PECAM1: variants seen among roughly 807,000 people sequenced by gnomAD.
PECAM1 encodes platelet and endothelial cell adhesion molecule 1, also known as platelet endothelial cell adhesion molecule.
A neutral mutation model predicts 13.8 loss-of-function variants in PECAM1; 8 were observed. The ratio of observed to expected loss-of-function variants is 0.58; its 90% CI spans 0.34 to 1.05. PECAM1 has a LOEUF of 1.05. PECAM1 is among the 50% of genes least tolerant of loss of function. The pLI, the probability that PECAM1 is intolerant of heterozygous loss-of-function variation, is 0.03. For synonymous variants in PECAM1, 136 were observed against 52.6 expected (o/e 2.58, Z -6.86); for missense variants, 304 against 141.2 (o/e 2.15, Z -5.84).
chr17:64,345,447 T>G (rs1352181139), intron 13 of PECAM1, among the ~76,000 whole-genome samples: 1 of 152,144 alleles, frequency 6.6e-6, no homozygotes, highest in Non-Finnish European at 1.5e-5. Flanking sequence ...GCCTGGTGGT[T>G]CACACCTGTA....
chr17:64,354,733 AATCT>A (rs2035811003), intron 9 of PECAM1, among the ~76,000 whole-genome samples, 196 bp downstream of exon 9: 1 of 152,230 alleles, frequency 6.6e-6, no homozygotes. Flanking sequence ...GGTGTGGACA[AATCT>A]ACAGAAATGG....
chr17:64,365,721 G>A (rs1428277535), intron 5 of PECAM1, among the ~76,000 whole-genome samples: 1 of 150,418 alleles, frequency 6.6e-6, no homozygotes, highest in African/African-American at 2.4e-5. Flanking sequence ...AAGCAATGGG[G>A]AAAGGATTCC....
chr17:64,335,044 C>T (rs1465696498), intron 14 of PECAM1, among the ~76,000 whole-genome samples: 3 of 152,074 alleles, frequency 2.0e-5, no homozygotes, highest in Non-Finnish European at 2.9e-5. Context: ...GCAGCAGCTG[C>T]GTGTGGACAC....
At chr17:64,384,719 C>T (rs1436785222) in intron 2 of PECAM1, among the ~76,000 whole-genome samples, 14 of 152,286 alleles carry the variant, frequency 9.2e-5, no homozygotes, top group East Asian at 1.9e-4. Context: ...TAATGAGACC[C>T]GGTGCCAGCA....
chr17:64,340,053 G>A (rs958173350), intron 14 of PECAM1, among the ~76,000 whole-genome samples: 6 of 152,108 alleles, frequency 3.9e-5, no homozygotes, highest in Non-Finnish European at 7.4e-5. Flanking sequence ...TGGGAGGATT[G>A]CTTAAGCCTT....
chr17:64,327,070 T>C (rs1470912158), intron 15 of PECAM1, among the ~76,000 whole-genome samples: 2 of 152,238 alleles, frequency 1.3e-5, no homozygotes, highest in Non-Finnish European at 2.9e-5. Context: ...CATGGTGACA[T>C]GGCTAAGAAG....
intron 7 of PECAM1, among the ~76,000 whole-genome samples, chr17:64,358,605 T>C (rs1466488823): frequency 2.6e-5 from 4 of 152,168 alleles, no homozygotes; most frequent in Non-Finnish European, 5.9e-5. Flanking sequence ...TCACCATCAC[T>C]GTAAGGATAT....
intron 5 of PECAM1, among the ~76,000 whole-genome samples, chr17:64,368,083 A>G (rs1174865014): frequency 1.3e-5 from 2 of 152,180 alleles, no homozygotes; most frequent in Non-Finnish European, 2.9e-5. Context: ...ATGCAGACAC[A>G]TGAGAACCCC....
chr17:64,381,767 T>C (rs2036486125), intron 2 of PECAM1, among the ~76,000 whole-genome samples: 1 of 152,192 alleles, frequency 6.6e-6, no homozygotes, highest in South Asian at 2.1e-4. Context: ...TACAAGCTCC[T>C]GATTTAAGAA....
intron 6 of PECAM1, among the ~76,000 whole-genome samples, chr17:64,362,410 G>T (rs1353750533): frequency 6.6e-6 from 1 of 152,172 alleles, no homozygotes; most frequent in Non-Finnish European, 1.5e-5. Context: ...AGGACTTTGG[G>T]AGGCTGAGGC....
intron 12 of PECAM1, among the ~76,000 whole-genome samples, chr17:64,348,827 C>T (rs901201748): frequency 6.6e-6 from 1 of 152,136 alleles, no homozygotes; most frequent in Admixed American, 6.6e-5. Flanking sequence ...GAAGGGAGTA[C>T]GAACCCCGCA....
chr17:64,384,723 G>A (rs1183099660), intron 2 of PECAM1, among the ~76,000 whole-genome samples: 3 of 152,168 alleles, frequency 2.0e-5, no homozygotes, highest in Non-Finnish European at 2.9e-5. Context: ...GAGACCCGGT[G>A]CCAGCACCAC....
At chr17:64,385,337 C>A (rs1420784764) in intron 2 of PECAM1, among the ~76,000 whole-genome samples, 1 of 152,174 alleles carries the variant, frequency 6.6e-6, no homozygotes, top group Non-Finnish European at 1.5e-5. Context: ...GGTGGTGCTC[C>A]CTGGAAACAT....
At chr17:64,384,206 C>T (rs913216788) in intron 2 of PECAM1, among the ~76,000 whole-genome samples, 10 of 152,018 alleles carry the variant, frequency 6.6e-5, no homozygotes, top group African/African-American at 2.4e-4. Flanking sequence ...ATGGCTAGCT[C>T]GAACAGACAA....
chr17:64,369,155 G>A (rs1048776393), intron 5 of PECAM1, among the ~76,000 whole-genome samples: 3 of 151,830 alleles, frequency 2.0e-5, no homozygotes, highest in South Asian at 2.1e-4. Flanking sequence ...GGCTGGTCTC[G>A]AACTCCCGGC....
intron 9 of PECAM1, among the ~76,000 whole-genome samples, chr17:64,354,654 T>TG (rs1275043168): frequency 6.6e-6 from 1 of 152,170 alleles, no homozygotes; most frequent in Non-Finnish European, 1.5e-5. Context: ...GTGCAACATG[T>TG]GGGTGTTATG....
At chr17:64,357,803 A>C (rs1452953533) in intron 7 of PECAM1, among the ~76,000 whole-genome samples, 1 of 152,186 alleles carries the variant, frequency 6.6e-6, no homozygotes, top group Non-Finnish European at 1.5e-5. Context: ...TGAGCTACTG[A>C]TATCGACCCA....
Position 64,322,765 on chromosome 17 carries a change from G to T in PECAM1, c.*1051C>A. ...GATTCTCACTCTGTCACTCAGGCTG[G>T]AGTGCAGTGGCGCGATCTCCGCTCA... On this transcript the variant is annotated 3_prime_UTR_variant, in exon 16 of 16. Coordinates refer to ENST00000563924, the MANE Select transcript of PECAM1 (RefSeq NM_000442.5). 1.2e-6 allele frequency: 1 copy of T among 831,640 alleles called. No homozygotes were observed. The highest frequency in any genetic ancestry group is 1.5e-6 in the Non-Finnish European group (1 of 689,644). The allele number at this position is 831,640 out of a possible 1,614,324, so 51.5% of individuals were successfully genotyped here.
At chr17:64,355,649 AG>A (rs1365460050) in intron 8 of PECAM1, among the ~76,000 whole-genome samples, 1 of 152,144 alleles carries the variant, frequency 6.6e-6, no homozygotes, top group Non-Finnish European at 1.5e-5. Flanking sequence ...TTGTAGAGAC[AG>A]GGTTTCACCA....
Sources: allele counts gnomAD v4.1 joint callset (sites outside exome capture counted in the v4.1 genomes callset), GRCh38; gene constraint gnomAD v4.1.1; transcripts MANE v1.5; gene names NCBI Gene and HGNC (gene_info 2026-07-23, HGNC 2026-07-21).